The following DNPH1 variants were observed in gnomAD, a reference collection of about 807,000 sequenced individuals.
DNPH1 encodes 5-hydroxymethyl-dUMP N-hydrolase.
Under a neutral mutation model 15.7 loss-of-function variants are expected in DNPH1, and 18 were observed. The observed-to-expected ratio is 1.15, with a 90% CI of 0.79 to 1.70. The LOEUF (loss-of-function observed/expected upper bound fraction) is 1.70. Ranked by LOEUF, DNPH1 falls within the 40% of genes most tolerant of loss-of-function variation. The probability of loss-of-function intolerance (pLI) is 0.00; values close to 1 mark genes in which losing one functional copy is unlikely to be tolerated. For synonymous variants in DNPH1, 114 were observed against 107.9 expected, an observed-to-expected ratio of 1.06 and a Z score of -0.35; for missense variants, 262 against 255.2, an observed-to-expected ratio of 1.03 and a Z score of -0.18.
In DNPH1 at chr6:43,229,245, G is replaced by C; in HGVS notation, c.196+16C>G. 1 of 1,333,548 alleles carries C rather than the reference G, an allele frequency of 7.5e-7. No individual in the cohort carries two copies. Among genetic ancestry groups the C allele is most frequent in the Non-Finnish European group, 9.5e-7 (1 of 1,047,228 alleles). 82.6% of individuals were successfully genotyped at this position (1,333,548 alleles called of 1,614,324 possible). Reference sequence around the variant, plus strand: ...CCGCGCCCGCGTCCCCGCGTCCCGCGGCCCCAGGGCCTCACCGCGCGCGCC... The same window carrying C: ...CCGCGCCCGCGTCCCCGCGTCCCGCCGCCCCAGGGCCTCACCGCGCGCGCC... On this transcript the variant is annotated intron_variant, in intron 1 of 3. Coordinates refer to ENST00000230431, the MANE Select transcript of DNPH1 (RefSeq NM_006443.3).
chr6:43,229,174 G>A (rs1776785648), intron 1 of DNPH1, 87 bp downstream of exon 1: 5 of 1,246,006 alleles, frequency 4.0e-6, no homozygotes, highest in African/African-American at 1.6e-5. Context: ...CAGCTGCCGG[G>A]GGTCGGGGGG....
At chr6:43,228,407 G>A (rs1041232772) in intron 1 of DNPH1, among the ~76,000 whole-genome samples, 43 of 151,918 alleles carry the variant, frequency 2.8e-4, no homozygotes, top group African/African-American at 9.7e-4. Context: ...AGCTATGATC[G>A]CACCACTGCA....
At position 43,226,533 on chromosome 6, in the gene DNPH1, T is replaced by A; in HGVS notation, c.197-138A>T. On this transcript the variant is annotated intron_variant, in intron 1 of 3. Coordinates refer to ENST00000230431, the MANE Select transcript of DNPH1 (RefSeq NM_006443.3). The surrounding 1 kb of genome is among the most constrained non-coding windows in gnomAD (Gnocchi z 4.1). ...GATGACCTGACCAAACATGACAATC[T>A]CATCAAAGCAGCGAGGAAATGGAAT... The A allele has an allele frequency of 1.4e-6, 1 of 702,962 alleles. No homozygotes were observed. The highest frequency in any genetic ancestry group is 2.3e-6 in the Non-Finnish European group (1 of 433,910). 43.5% of individuals were successfully genotyped at this position (702,962 alleles called of 1,614,324 possible).
chr6:43,229,230 G>A (rs974988451), intron 1 of DNPH1, 31 bp downstream of exon 1: 69 of 1,306,798 alleles, frequency 5.3e-5, no homozygotes, highest in Non-Finnish European at 6.6e-5. Flanking sequence ...CCGCGCCCGC[G>A]TCCCCGCGTC....
chr6:43,226,380 C>G lies in DNPH1; in HGVS notation c.212G>C (p.Gly71Ala). 6.2e-7 allele frequency: 1 copy of G among 1,612,600 alleles called. No individual in the cohort carries two copies. Among genetic ancestry groups the G allele is most frequent in the Non-Finnish European group, 8.5e-7 (1 of 1,179,856 alleles). ...CTGCTCATGGATGAGCCTGTCACCC[C>G]CAGCAGCCTCTTCCCCTGTGTTGAG... ...ELGARGEEAAGGDRLIHEQDL... is the reference protein window; with the variant it reads ...ELGARGEEAAAGDRLIHEQDL... Residue 71 changes from glycine to alanine, a missense_variant, in exon 2 of 4, where the codon GGG becomes GCG. Transcript: ENST00000230431. The surrounding 1 kb of genome is among the most constrained non-coding windows in gnomAD (Gnocchi z 4.1).
chr6:43,229,317 C>G lies in DNPH1; in HGVS notation c.140G>C (p.Arg47Pro). The part of the protein sequence containing the change: ...TLYERIVSRL[R>P]RFGTVLTEHV... ...CTCGGTGAGCACTGTCCCGAATCGC[C>G]GCAGCCGAGACACGATCCGCTCGTA... Residue 47 changes from arginine (R) to proline (P), a missense_variant, in exon 1 of 4, where the codon CGG (arginine) becomes CCG (proline). Arg to Pro is a moderately radical substitution (Grantham distance 103). Coordinates refer to ENST00000230431, the MANE Select transcript of DNPH1 (RefSeq NM_006443.3). 6.7e-7 allele frequency: 1 copy of G among 1,486,604 alleles called. No homozygotes were observed. The highest frequency in any genetic ancestry group is 8.9e-7 in the Non-Finnish European group (1 of 1,121,640). 92.1% of individuals were successfully genotyped at this position (1,486,604 alleles called of 1,614,324 possible). A position where few individuals can be genotyped will look rare whatever the true frequency, so the allele number is the denominator to read the frequency against.
rs1776735384 is a variant in DNPH1 at position 43,226,201 on chromosome 6, AGAC to A, written c.266-61_266-59del. On this transcript the variant is annotated intron_variant, in intron 2 of 3. Transcript: ENST00000230431. The surrounding 1 kb of genome is among the most constrained non-coding windows in gnomAD (Gnocchi z 4.1). ...TGGGGGCACTTGAGGTTCATAAGGA[AGAC>A]GACGGTGTGGCTGTGGTGAGGAGGG... 1.9e-6 allele frequency: 3 copies of A among 1,607,172 alleles called. No homozygotes were observed. Among genetic ancestry groups the A allele is most frequent in the Non-Finnish European group, 2.5e-6 (3 of 1,178,122 alleles).
In DNPH1 at chr6:43,229,351, T is replaced by C. The variant is rs771842003; in HGVS notation, c.106A>G (p.Arg36Gly). ...GACACGATCCGCTCGTACAGCGTCC[T>C]GTCCTCGCGTCCGCCGCGAATGCTC... The part of the protein sequence containing the change: ...CGSIRGGRED[R>G]TLYERIVSRL... The change falls in exon 1 of 4, where the codon AGG (arginine) becomes GGG (glycine). Residue 36 changes from arginine to glycine, a missense_variant. Transcript: ENST00000230431. The C allele has an allele frequency of 6.7e-7, 1 of 1,488,736 alleles. No homozygotes were observed. The highest frequency in any genetic ancestry group is 8.9e-7 in the Non-Finnish European group (1 of 1,121,236). 92.2% of individuals were successfully genotyped at this position (1,488,736 alleles called of 1,614,324 possible). A position where few individuals can be genotyped will look rare whatever the true frequency, so the allele number is the denominator to read the frequency against.
At chr6:43,229,114 C>T (rs1266217303) in intron 1 of DNPH1, 147 bp downstream of exon 1, 4 of 855,468 alleles carry the variant, frequency 4.7e-6, no homozygotes, top group Non-Finnish European at 6.8e-6. Flanking sequence ...CGGGCTGGGG[C>T]GCTGGATGGA....
chr6:43,226,586 T>A lies in DNPH1; in HGVS notation c.197-191A>T. The A allele has an allele frequency of 1.7e-6, 1 of 581,618 alleles. No individual in the cohort carries two copies. The highest frequency in any genetic ancestry group is 3.0e-6 in the Non-Finnish European group (1 of 329,036). The allele number at this position is 581,618 out of a possible 1,614,324, so 36.0% of individuals were successfully genotyped here. ...CCACAAAAAGAAAAATTCAACCCTATGCAAGGTGGGACATGTGATTAGGGC... is the reference window on the plus strand; with the variant it reads ...CCACAAAAAGAAAAATTCAACCCTAAGCAAGGTGGGACATGTGATTAGGGC... On this transcript the variant is annotated intron_variant, in intron 1 of 3. Coordinates refer to ENST00000230431, the MANE Select transcript of DNPH1 (RefSeq NM_006443.3). This position sits in a 1 kb window ranked among gnomAD's most constrained non-coding sequence, Gnocchi z 4.1.
rs1458013899 is a variant in DNPH1 at position 43,229,279 on chromosome 6, C to T, written c.178G>A (p.Ala60Thr). ...GCCTCACCGCGCGCGCCCAGCTCGGCGGCCGCCACGTGCTCGGTGAGCACT... is the reference window on the plus strand; with the variant it reads ...GCCTCACCGCGCGCGCCCAGCTCGGTGGCCGCCACGTGCTCGGTGAGCACT... ...GTVLTEHVAA[A>T]ELGARGEEAA... is the part of the protein sequence containing the mutation. Residue 60 changes from alanine to threonine, a missense_variant, in exon 1 of 4, where the codon GCC (alanine) becomes ACC (threonine). Physicochemically the swap from Ala to Thr is moderately conservative, Grantham distance 58. Coordinates refer to ENST00000230431, the MANE Select transcript of DNPH1 (RefSeq NM_006443.3). 7.0e-6 allele frequency: 10 copies of T among 1,433,564 alleles called. No homozygotes were observed. The highest frequency in any genetic ancestry group is 6.4e-6 in the Non-Finnish European group (7 of 1,091,828). The allele number at this position is 1,433,564 out of a possible 1,614,324, so 88.8% of individuals were successfully genotyped here.
Position 43,226,414 on chromosome 6 carries a change from G to A in DNPH1, c.197-19C>T, listed in dbSNP as rs766072430. 6 of 1,607,072 alleles carry A rather than the reference G, an allele frequency of 3.7e-6. No individual in the cohort carries two copies. The Admixed American group carries it at 1.0e-4, about 27-fold the overall frequency. On this transcript the variant is annotated intron_variant, in intron 1 of 3. Transcript: ENST00000230431. The surrounding 1 kb of genome is among the most constrained non-coding windows in gnomAD (Gnocchi z 4.1). ...TCTTCCCCTGTGTTGAGGGAAAGCTGGTCAAGGACATGCCTCATGCTGGCT... is the reference window on the plus strand; with the variant it reads ...TCTTCCCCTGTGTTGAGGGAAAGCTAGTCAAGGACATGCCTCATGCTGGCT...
intron 1 of DNPH1, 193 bp downstream of exon 1, chr6:43,229,068 G>C (rs781474479): frequency 1.1e-5 from 6 of 547,740 alleles, no homozygotes; most frequent in Admixed American, 7.5e-5. Flanking sequence ...GGCTTGCTGG[G>C]ACCCACGCAG....
rs758532471 is a variant in DNPH1, at chr6:43,229,439, C to A, written c.18G>T (p.Val6=). Residue 6 remains valine, a synonymous_variant, in exon 1 of 4, where the codon GTG becomes GTT. Coordinates refer to ENST00000230431, the MANE Select transcript of DNPH1 (RefSeq NM_006443.3). MAAAM[V]PGRSESWERG... is the part of the protein sequence containing the mutation. ...GCTCCCAGCTCTCGCTGCGCCCCGGCACCATGGCAGCAGCCATTCCCCAGC... is the reference window on the plus strand; with the variant it reads ...GCTCCCAGCTCTCGCTGCGCCCCGGAACCATGGCAGCAGCCATTCCCCAGC... 1.2e-5 allele frequency: 16 copies of A among 1,363,064 alleles called. No homozygotes were observed. The highest frequency in any genetic ancestry group is 1.0e-4 in the South Asian group (6 of 57,578). The allele number at this position is 1,363,064 out of a possible 1,614,324, so 84.4% of individuals were successfully genotyped here.
chr6:43,226,041 G>A lies in DNPH1; in HGVS notation c.368C>T (p.Ser123Phe). 6.2e-7 allele frequency: 1 copy of A among 1,613,838 alleles called. No homozygotes were observed. Among genetic ancestry groups the A allele is most frequent in the South Asian group, 1.1e-5 (1 of 91,086 alleles). Residue 123 changes from serine (S) to phenylalanine (F), a missense_variant, in exon 3 of 4, where the codon TCT becomes TTT. Coordinates refer to ENST00000230431, the MANE Select transcript of DNPH1 (RefSeq NM_006443.3). This position sits in a 1 kb window ranked among gnomAD's most constrained non-coding sequence, Gnocchi z 4.1. Reference sequence around the variant, plus strand: ...AGGCTTGGGGTGCTCACCGCGGCCAGACTGCGGGCGGAACAGGCACAGGAT... The same window carrying A: ...AGGCTTGGGGTGCTCACCGCGGCCAAACTGCGGGCGGAACAGGCACAGGAT... The part of the protein sequence containing the change: ...KRILCLFRPQ[S>F]GRVLSAMIRG...
In DNPH1 at chr6:43,229,317, C is replaced by T; in HGVS notation, c.140G>A (p.Arg47Gln). 1.3e-6 allele frequency: 2 copies of T among 1,486,604 alleles called. No homozygotes were observed. The highest frequency in any genetic ancestry group is 1.8e-6 in the Non-Finnish European group (2 of 1,121,640). 92.1% of individuals were successfully genotyped at this position (1,486,604 alleles called of 1,614,324 possible). ...CTCGGTGAGCACTGTCCCGAATCGC[C>T]GCAGCCGAGACACGATCCGCTCGTA... ...TLYERIVSRLRRFGTVLTEHV... is the reference protein window; with the variant it reads ...TLYERIVSRLQRFGTVLTEHV... The change falls in exon 1 of 4, where the codon CGG becomes CAG. Residue 47 changes from arginine (R) to glutamine (Q), a missense_variant. Physicochemically the swap from Arg to Gln is conservative, Grantham distance 43. Transcript: ENST00000230431.
chr6:43,229,231 T>G (rs1419016489), intron 1 of DNPH1, 30 bp downstream of exon 1: 6 of 1,308,398 alleles, frequency 4.6e-6, no homozygotes, highest in Non-Finnish European at 5.8e-6. Context: ...CGCGCCCGCG[T>G]CCCCGCGTCC....
intron 1 of DNPH1, among the ~76,000 whole-genome samples, chr6:43,228,615 C>T (rs920557384): frequency 6.6e-6 from 1 of 152,228 alleles, no homozygotes; most frequent in East Asian, 1.9e-4. Flanking sequence ...CACCTGAGGT[C>T]AGGAGTTCGA....
intron 1 of DNPH1, among the ~76,000 whole-genome samples, chr6:43,228,489 T>A (rs952047997): frequency 6.7e-6 from 1 of 148,784 alleles, no homozygotes; most frequent in Non-Finnish European, 1.5e-5. Context: ...TAGTGAGAAC[T>A]GGGGTCAGCC....
Sources: gnomAD v4.1 joint callset for allele counts (sites outside exome capture counted in the v4.1 genomes callset) on GRCh38, gnomAD v4.1.1 for gene constraint, Gnocchi (gnomAD v3.1) non-coding constraint, MANE v1.5 for transcripts, NCBI Gene and HGNC (gene_info 2026-07-23, HGNC 2026-07-21) for gene names.